FAM110B: variants seen among roughly 807,000 people sequenced by gnomAD.
The protein encoded by FAM110B is family with sequence similarity 110 member B.
In FAM110B, 6 loss-of-function variants were observed where a neutral mutation model predicts 20.4. The observed-to-expected ratio is 0.29, with a 90% CI of 0.16 to 0.58. FAM110B has a LOEUF of 0.58. FAM110B is among the 20% of genes least tolerant of loss of function. FAM110B has a pLI of 0.90. For missense variants in FAM110B, 434 were observed against 498.2 expected, an observed-to-expected ratio of 0.87 and a Z score of 1.23; for synonymous variants, 226 against 214.1, an observed-to-expected ratio of 1.06 and a Z score of -0.49.
At position 58,146,624 on chromosome 8, in the gene FAM110B, A is replaced by G. The variant is rs1427612307; in HGVS notation, c.394A>G (p.Ser132Gly). ...CATCATCAATAGCTCCGAGGGCTCT[A>G]GCTCGGGCTCGGGGCACAAGCACAG... ...KNIINSSEGSSSGSGHKHSSR... is the reference protein window; with the variant it reads ...KNIINSSEGSGSGSGHKHSSR... The change falls in exon 4 of 4, where the codon AGC becomes GGC. Residue 132 changes from serine (S) to glycine (G), a missense_variant. By Grantham distance (56) the Ser-to-Gly change is moderately conservative (BLOSUM62 0). Transcript: ENST00000519262. 4.3e-6 allele frequency: 7 copies of G among 1,613,850 alleles called. No individual in the cohort carries two copies. Among genetic ancestry groups the G allele is most frequent in the Admixed American group, 1.7e-5 (1 of 60,000 alleles).
At chr8:58,116,393 C>T (rs1807214308) in intron 3 of FAM110B, among the ~76,000 whole-genome samples, 2 of 152,134 alleles carry the variant, frequency 1.3e-5, no homozygotes, top group African/African-American at 4.8e-5. Flanking sequence ...CATTATCTCT[C>T]CATCTCCTTC....
chr8:58,130,470 C>T (rs1042095530), intron 3 of FAM110B, among the ~76,000 whole-genome samples: 3 of 152,180 alleles, frequency 2.0e-5, no homozygotes, highest in African/African-American at 7.2e-5. Flanking sequence ...TGCGGTCACA[C>T]CAGCCTTTCC....
In FAM110B at chr8:58,146,086, A is replaced by T. The variant is rs866198365; in HGVS notation, c.-145A>T. On this transcript the variant is annotated 5_prime_UTR_variant, in exon 4 of 4. Transcript: ENST00000519262. ...GTGGCGGTTAATGAGCTGTGAGATG[A>T]GGCGCTGCTGCGGCCGCTGCTGCTG... 1.5e-4 allele frequency: 137 copies of T among 899,380 alleles called. No homozygotes were observed. In the African/African-American group the frequency reaches 2.0e-3, roughly 13 times the overall value. The allele number at this position is 899,380 out of a possible 1,614,324, so 55.7% of individuals were successfully genotyped here. A position where few individuals can be genotyped will look rare whatever the true frequency, so the allele number is the denominator to read the frequency against.
rs1289290907 is a variant in FAM110B, at chr8:58,118,120, G to T, written c.-324-27787G>T. Reference sequence around the variant, plus strand: ...AAGTTTTAAAAATGTTTACCCCATTGTCATTAATCTCTTTATTGATAATAA... The same window carrying T: ...AAGTTTTAAAAATGTTTACCCCATTTTCATTAATCTCTTTATTGATAATAA... On this transcript the variant is annotated intron_variant, in intron 3 of 3. Coordinates refer to ENST00000519262, the MANE Select transcript of FAM110B (RefSeq NM_001377989.1). Among the ~76,000 whole-genome samples, 3 of 152,258 alleles carry T rather than the reference G, an allele frequency of 2.0e-5. No homozygotes were observed. In the East Asian group the frequency reaches 5.8e-4, roughly 29 times the overall value.
chr8:58,050,833 G>A (rs1805425255), intron 2 of FAM110B, among the ~76,000 whole-genome samples: 1 of 152,154 alleles, frequency 6.6e-6, no homozygotes, highest in African/African-American at 2.4e-5. Flanking sequence ...TACGCACAGG[G>A]CATACACCAG....
chr8:58,122,458 CT>C (rs1807386403), intron 3 of FAM110B, among the ~76,000 whole-genome samples: 1 of 152,116 alleles, frequency 6.6e-6, no homozygotes, highest in South Asian at 2.1e-4. Context: ...ACTGCATCTG[CT>C]GGGATGGATC....
At chr8:58,003,324 A>G (rs1024410838) in intron 1 of FAM110B, among the ~76,000 whole-genome samples, 9 of 152,202 alleles carry the variant, frequency 5.9e-5, no homozygotes, top group African/African-American at 2.2e-4. Context: ...TCTCAAAGTC[A>G]TCTATGAGAG....
chr8:58,050,052 A>G (rs1805408288), intron 2 of FAM110B, among the ~76,000 whole-genome samples: 1 of 152,200 alleles, frequency 6.6e-6, no homozygotes, highest in Admixed American at 6.5e-5. Context: ...ATATCATGGA[A>G]GGGCTGGTTT....
At chr8:58,106,852 C>G (rs1806930690) in intron 3 of FAM110B, among the ~76,000 whole-genome samples, 1 of 152,214 alleles carries the variant, frequency 6.6e-6, no homozygotes, top group African/African-American at 2.4e-5. Flanking sequence ...GACTGAAAGT[C>G]TAAAACCTCA....
chr8:58,026,692 A>G (rs533031825), intron 1 of FAM110B, among the ~76,000 whole-genome samples: 19 of 152,264 alleles, frequency 1.2e-4, no homozygotes, highest in African/African-American at 3.8e-4. Flanking sequence ...TTCCCTAACT[A>G]TGGTGAAAAC....
chr8:58,042,118 A>C (rs1052818192), intron 2 of FAM110B, among the ~76,000 whole-genome samples: 2 of 152,250 alleles, frequency 1.3e-5, no homozygotes, highest in African/African-American at 2.4e-5. Context: ...TAATCAGGCA[A>C]AAATTTAGAA....
chr8:58,134,008 G>T (rs985246581), intron 3 of FAM110B, among the ~76,000 whole-genome samples: 4 of 152,230 alleles, frequency 2.6e-5, no homozygotes, highest in African/African-American at 9.6e-5. Context: ...TGTAAGACAC[G>T]TTAAGTGCTG....
intron 3 of FAM110B, among the ~76,000 whole-genome samples, chr8:58,111,022 T>C (rs1271914488): frequency 1.3e-5 from 2 of 152,240 alleles, no homozygotes; most frequent in South Asian, 4.1e-4. Flanking sequence ...ACTGACTTGA[T>C]TGAATATTGT....
chr8:58,102,638 C>T (rs76229281), intron 3 of FAM110B, among the ~76,000 whole-genome samples: 7,468 of 152,178 alleles, frequency 0.049, 589 homozygotes, highest in African/African-American at 0.16. Flanking sequence ...TCACATGCAA[C>T]GACTAAGCTG....
intron 2 of FAM110B, among the ~76,000 whole-genome samples, chr8:58,039,492 TG>T (rs2150576003): frequency 6.6e-6 from 1 of 152,324 alleles, no homozygotes; most frequent in African/African-American, 2.4e-5. Flanking sequence ...CTTATACATG[TG>T]AGATCCCATT....
intron 3 of FAM110B, among the ~76,000 whole-genome samples, chr8:58,095,198 G>A (rs558816873): frequency 8.5e-5 from 13 of 152,128 alleles, no homozygotes; most frequent in African/African-American, 2.9e-4. Flanking sequence ...ACCAGCTCCT[G>A]GATTTACTGA....
At chr8:58,139,919 G>A (rs1049579787) in intron 3 of FAM110B, among the ~76,000 whole-genome samples, 7 of 151,910 alleles carry the variant, frequency 4.6e-5, no homozygotes, top group Admixed American at 6.6e-5. Context: ...AACAGAACGA[G>A]ACTCTGTTTT....
chr8:58,121,234 C>A (rs1214972085), intron 3 of FAM110B, among the ~76,000 whole-genome samples: 1 of 152,210 alleles, frequency 6.6e-6, no homozygotes, highest in Non-Finnish European at 1.5e-5. Context: ...CTGTTGTCCA[C>A]ACGCACCACT....
At chr8:58,050,124 A>C (rs1450129974) in intron 2 of FAM110B, among the ~76,000 whole-genome samples, 2 of 152,178 alleles carry the variant, frequency 1.3e-5, no homozygotes, top group Non-Finnish European at 2.9e-5. Context: ...AGTCATTGTC[A>C]TTAAGGATTT....
Sources: allele counts gnomAD v4.1 joint callset (sites outside exome capture counted in the v4.1 genomes callset), GRCh38; gene constraint gnomAD v4.1.1; transcripts MANE v1.5; gene names NCBI Gene and HGNC (gene_info 2026-07-23, HGNC 2026-07-21).